MACROD2: variants seen among roughly 807,000 people sequenced by gnomAD.
MACROD2 encodes mono-ADP ribosylhydrolase 2, also known as ADP-ribose glycohydrolase MACROD2.
Under a neutral mutation model 70.4 loss-of-function variants are expected in MACROD2, and 36 were observed. The ratio of observed to expected loss-of-function variants is 0.51; its 90% CI spans 0.39 to 0.68. The LOEUF (loss-of-function observed/expected upper bound fraction) is 0.68. MACROD2 is among the 30% of genes least tolerant of loss of function. MACROD2 has a pLI of 0.00. For synonymous variants in MACROD2, 172 were observed against 178.8 expected, an observed-to-expected ratio of 0.96 and a Z score of 0.30; for missense variants, 496 against 538.4, an observed-to-expected ratio of 0.92 and a Z score of 0.78.
intron 3 of MACROD2, among the ~76,000 whole-genome samples, chr20:14,464,598 G>A (rs1045754439): frequency 1.3e-5 from 2 of 151,922 alleles, no homozygotes; most frequent in African/African-American, 2.4e-5. Flanking sequence ...GTTTGCTCTT[G>A]CTTCTCTAGT....
chr20:15,889,038 C>A (rs960274359), intron 10 of MACROD2, among the ~76,000 whole-genome samples: 1 of 152,148 alleles, frequency 6.6e-6, no homozygotes, highest in South Asian at 2.1e-4. Flanking sequence ...AGTGAATCAA[C>A]TGGCCAAGAC....
intron 3 of MACROD2, among the ~76,000 whole-genome samples, chr20:14,493,224 T>G (rs1201772842): frequency 1.3e-5 from 2 of 152,020 alleles, no homozygotes; most frequent in Non-Finnish European, 2.9e-5. Flanking sequence ...CAATTTGTGC[T>G]TAATTTTATT....
chr20:15,749,143 T>C (rs962103952), intron 8 of MACROD2, among the ~76,000 whole-genome samples: 4 of 152,182 alleles, frequency 2.6e-5, no homozygotes, highest in Admixed American at 6.5e-5. Context: ...TGTTTTAACA[T>C]CTTGCTTTCT....
intron 5 of MACROD2, among the ~76,000 whole-genome samples, chr20:15,220,773 G>C (rs979552795): frequency 8.1e-6 from 1 of 123,122 alleles, no homozygotes; most frequent in Non-Finnish European, 2.0e-5. Context: ...AGAAAAAAAT[G>C]GGGGGGGCTC....
In MACROD2 at chr20:14,862,668, AAT is replaced by A. The variant is rs1344017557; in HGVS notation, c.418+177717_418+177718del. Among the ~76,000 whole-genome samples, 2 of 29,118 alleles carry A rather than the reference AAT, an allele frequency of 6.9e-5. 1 individual carries two copies. Among genetic ancestry groups the A allele is most frequent in the African/African-American group, 3.2e-4 (2 of 6,318 alleles). The allele number at this position is 29,118 out of a possible 152,430, so 19.1% of individuals were successfully genotyped here. A position where few individuals can be genotyped will look rare whatever the true frequency, so the allele number is the denominator to read the frequency against. ...ATATATATATATAAATATATATATA[AAT>A]ATATATAAATATATATATAAATATA... On this transcript the variant is annotated intron_variant, in intron 5 of 17. Transcript: ENST00000684519.
intron 7 of MACROD2, among the ~76,000 whole-genome samples, chr20:15,462,873 G>A (rs2046836951): frequency 6.6e-6 from 1 of 152,138 alleles, no homozygotes; most frequent in Non-Finnish European, 1.5e-5. Context: ...CTGACAACCA[G>A]GGGTTCTTAA....
intron 15 of MACROD2, among the ~76,000 whole-genome samples, chr20:16,001,929 C>T (rs971568894): frequency 4.6e-5 from 7 of 151,494 alleles, no homozygotes; most frequent in South Asian, 4.2e-4. Flanking sequence ...TTTCCATTAA[C>T]AAAATATTAT....
intron 4 of MACROD2, among the ~76,000 whole-genome samples, chr20:14,508,998 A>G (rs115144831): frequency 0.011 from 1,673 of 152,270 alleles, 38 homozygotes; most frequent in African/African-American, 0.039. Flanking sequence ...TTTGCACTCA[A>G]TGGAATCATA....
intron 8 of MACROD2, among the ~76,000 whole-genome samples, chr20:15,501,758 A>G (rs1458711500): frequency 2.0e-5 from 3 of 152,216 alleles, no homozygotes; most frequent in Non-Finnish European, 2.9e-5. Flanking sequence ...CAATTTGAAC[A>G]TATCAGGTTT....
intron 5 of MACROD2, among the ~76,000 whole-genome samples, chr20:15,024,867 C>T (rs763050677): frequency 1.1e-4 from 17 of 152,146 alleles, no homozygotes; most frequent in Non-Finnish European, 2.4e-4. Context: ...GCTTTTCCCT[C>T]AAGGGAAATG....
At chr20:15,615,087 G>T (rs1023294785) in intron 8 of MACROD2, among the ~76,000 whole-genome samples, 2 of 152,108 alleles carry the variant, frequency 1.3e-5, no homozygotes, top group Non-Finnish European at 2.9e-5. Context: ...ATCCCGAAAG[G>T]GTAGCCAAGG....
chr20:16,000,043 C>T (rs1041582417), intron 15 of MACROD2, among the ~76,000 whole-genome samples: 3 of 152,138 alleles, frequency 2.0e-5, no homozygotes, highest in Admixed American at 6.5e-5. Flanking sequence ...TTACAGTTAT[C>T]GCACTCTGTC....
rs567135860 is a variant in MACROD2, at chr20:14,160,632, A to G, written c.271+74904A>G. On this transcript the variant is annotated intron_variant, in intron 3 of 17. Coordinates refer to ENST00000684519, the MANE Select transcript of MACROD2 (RefSeq NM_001351661.2). ...TCTTCTTTTCTGTGTTAGTATAGCAAGTAGCTTATCAATTTTGTTTATCTT... is the reference window on the plus strand; with the variant it reads ...TCTTCTTTTCTGTGTTAGTATAGCAGGTAGCTTATCAATTTTGTTTATCTT... Among the ~76,000 whole-genome samples, 6 of 152,090 alleles carry G rather than the reference A, an allele frequency of 3.9e-5. No homozygotes were observed. In the South Asian group the frequency reaches 1.0e-3, roughly 26 times the overall value.
At chr20:14,978,346 CAT>C (rs1422826928) in intron 5 of MACROD2, among the ~76,000 whole-genome samples, 1 of 151,218 alleles carries the variant, frequency 6.6e-6, no homozygotes, top group Non-Finnish European at 1.5e-5. Context: ...GTATCCCTAA[CAT>C]AGAAGTAGTC....
chr20:16,004,999 C>T (rs1303428396), intron 15 of MACROD2, among the ~76,000 whole-genome samples: 2 of 152,226 alleles, frequency 1.3e-5, no homozygotes, highest in African/African-American at 4.8e-5. Context: ...TTGAGCAAAG[C>T]ACATCCATAC....
Position 14,822,303 on chromosome 20 carries a change from T to A in MACROD2, c.418+137344T>A, listed in dbSNP as rs76451988. 2.0e-5 allele frequency among the ~76,000 whole-genome samples: 3 copies of A among 152,244 alleles called. No individual in the cohort carries two copies. In the East Asian group the frequency reaches 5.8e-4, roughly 29 times the overall value. On this transcript the variant is annotated intron_variant, in intron 5 of 17. Transcript: ENST00000684519. The stretch of plus-strand genomic sequence containing the variant: ...AAAACCCATAAGATATTGTTCCACA[T>A]AAGATGGATAACTTTCCACTGAAGA...
intron 9 of MACROD2, among the ~76,000 whole-genome samples, chr20:15,865,562 T>A (rs1187086548): frequency 2.0e-5 from 3 of 152,108 alleles, no homozygotes; most frequent in African/African-American, 7.2e-5. Context: ...TCTAATTTGG[T>A]CTTAAGGTTT....
At chr20:15,874,346 G>A (rs936151870) in intron 9 of MACROD2, among the ~76,000 whole-genome samples, 1 of 151,912 alleles carries the variant, frequency 6.6e-6, no homozygotes, top group African/African-American at 2.4e-5. Flanking sequence ...CCAAGTCTTT[G>A]CTATGGTGAA....
chr20:15,338,046 G>A (rs946757140), intron 6 of MACROD2, among the ~76,000 whole-genome samples: 5 of 151,474 alleles, frequency 3.3e-5, no homozygotes, highest in Admixed American at 3.3e-4. Flanking sequence ...GTAAATGGTG[G>A]CCTTCATTTT....
Sources: gnomAD v4.1 joint callset for allele counts (sites outside exome capture counted in the v4.1 genomes callset) on GRCh38, gnomAD v4.1.1 for gene constraint, MANE v1.5 for transcripts, NCBI Gene and HGNC (gene_info 2026-07-23, HGNC 2026-07-21) for gene names.